The following NEDD8 variants were observed in gnomAD, a reference collection of about 807,000 sequenced individuals.
NEDD8 encodes the protein ubiquitin-like protein NEDD8.
NEDD8 carries 1 observed loss-of-function variant against 13.8 expected under a neutral mutation model. That is an observed-to-expected ratio of 0.07 (90% CI 0.03 to 0.34). NEDD8 has a LOEUF of 0.34. NEDD8 is among the 10% of genes least tolerant of loss of function. The probability of loss-of-function intolerance (pLI) is 0.99; values close to 1 mark genes in which losing one functional copy is unlikely to be tolerated. For missense variants in NEDD8, 10 were observed against 95.2 expected (o/e 0.10, Z 3.73); for synonymous variants, 31 against 33.2 (o/e 0.93, Z 0.23).
intron 1 of NEDD8, among the ~76,000 whole-genome samples, chr14:24,223,739 ATTT>A (rs558821572): frequency 7.2e-6 from 1 of 139,834 alleles, no homozygotes. Context: ...AAAAAAAAAA[ATTT>A]TTTTTTTTTT....
At chr14:24,221,252 T>C (rs2039803325) in intron 1 of NEDD8, among the ~76,000 whole-genome samples, 1 of 152,132 alleles carries the variant, frequency 6.6e-6, no homozygotes. Context: ...ATAAAAAGTT[T>C]GTAATTCTGT....
chr14:24,221,075 G>T (rs2039800059), intron 1 of NEDD8, among the ~76,000 whole-genome samples: 1 of 152,188 alleles, frequency 6.6e-6, no homozygotes, highest in Non-Finnish European at 1.5e-5. Context: ...TGATTCTCAA[G>T]CTTCTACCCT....
chr14:24,229,089 A>C (rs1478052923), intron 1 of NEDD8, among the ~76,000 whole-genome samples: 2 of 152,258 alleles, frequency 1.3e-5, no homozygotes, highest in African/African-American at 4.8e-5. Flanking sequence ...GGAGTTTGTG[A>C]GAAATGCAGA....
chr14:24,222,086 T>C (rs757772179), intron 1 of NEDD8, among the ~76,000 whole-genome samples: 17 of 152,206 alleles, frequency 1.1e-4, no homozygotes, highest in Non-Finnish European at 2.1e-4. Context: ...AATTTGGCAA[T>C]ATGGTGTCCC....
In NEDD8 at chr14:24,231,842, G is replaced by A. The variant is rs78820233; in HGVS notation, c.18+408C>T. The A allele has an allele frequency of 5.5e-3, 1,062 of 192,994 alleles. 6 individuals carry two copies. The highest frequency in any genetic ancestry group is 8.0e-3 in the Non-Finnish European group (745 of 93,590). 12.0% of individuals were successfully genotyped at this position (192,994 alleles called of 1,614,324 possible). On this transcript the variant is annotated intron_variant, in intron 1 of 3. Transcript: ENST00000250495. ...AGGGCTGTGCTCGGAGGCGACCTAC[G>A]TTAGGGACTGGGAGAAGCAGGTACC...
intron 1 of NEDD8, chr14:24,218,831 C>T (rs1487332878): frequency 2.5e-5 from 6 of 237,792 alleles, no homozygotes; most frequent in Non-Finnish European, 5.0e-5. Context: ...ACTGCAACTT[C>T]TGCCTCCCAG....
intron 1 of NEDD8, among the ~76,000 whole-genome samples, chr14:24,220,203 T>C (rs1014759999): frequency 4.4e-4 from 67 of 152,346 alleles, no homozygotes; most frequent in African/African-American, 1.6e-3. Context: ...CAGCTAGTTG[T>C]TTAAGTGTTA....
intron 3 of NEDD8, 90 bp downstream of exon 3, chr14:24,218,043 G>A: frequency 1.9e-6 from 3 of 1,546,846 alleles, no homozygotes; most frequent in Non-Finnish European, 2.6e-6. Flanking sequence ...AAAAACAAGA[G>A]GCACCCCTGA....
intron 3 of NEDD8, 29 bp from the exon 4 acceptor site, chr14:24,217,252 G>A (rs1555356413): frequency 1.3e-6 from 2 of 1,557,660 alleles, no homozygotes; most frequent in Non-Finnish European, 1.7e-6. Context: ...AGAAAAAAAA[G>A]AAAAAGAAGA....
At chr14:24,219,527 A>G (rs924966641) in intron 1 of NEDD8, among the ~76,000 whole-genome samples, 2 of 151,686 alleles carry the variant, frequency 1.3e-5, no homozygotes, top group African/African-American at 4.8e-5. Context: ...AAGAGAAAAG[A>G]AGACAAGAAG....
At chr14:24,222,104 A>C (rs999487427) in intron 1 of NEDD8, among the ~76,000 whole-genome samples, 25 of 152,242 alleles carry the variant, frequency 1.6e-4, no homozygotes, top group African/African-American at 6.0e-4. Context: ...CCCAGCAACA[A>C]TACTTCCAGG....
intron 1 of NEDD8, among the ~76,000 whole-genome samples, chr14:24,228,997 C>T (rs2039945834): frequency 6.6e-6 from 1 of 152,000 alleles, no homozygotes; most frequent in African/African-American, 2.4e-5. Context: ...AGAAGTACCA[C>T]ATAAATATGG....
intron 1 of NEDD8, among the ~76,000 whole-genome samples, chr14:24,223,775 ACCCAGACTGGAGTGCTGTGGCAT>A (rs2039845636): frequency 6.7e-6 from 1 of 150,038 alleles, no homozygotes; most frequent in Admixed American, 6.7e-5. Flanking sequence ...TCAGTCTGTC[ACCCAGACTGGAGTGCTGTGGCAT>A]CATCTGGCTC....
chr14:24,218,724 T>G (rs1481333055), intron 1 of NEDD8: 10 of 494,830 alleles, frequency 2.0e-5, no homozygotes, highest in Non-Finnish European at 3.2e-5. Flanking sequence ...GGCATTATTT[T>G]AGATGATACG....
In NEDD8 at chr14:24,218,788, C is replaced by T. The variant is rs531900154; in HGVS notation, c.19-357G>A. 1.9e-5 allele frequency: 6 copies of T among 310,836 alleles called. No homozygotes were observed. The East Asian group carries it at 5.0e-4, about 26-fold the overall frequency. The allele number at this position is 310,836 out of a possible 1,614,324, so 19.3% of individuals were successfully genotyped here. A position where few individuals can be genotyped will look rare whatever the true frequency, so the allele number is the denominator to read the frequency against. ...TGAGATGGAGTTTCGCTCTTGTTGA[C>T]CAGGCTGGAGTGCAATGGCACAATC... On this transcript the variant is annotated intron_variant, in intron 1 of 3. Coordinates refer to ENST00000250495, the MANE Select transcript of NEDD8 (RefSeq NM_006156.3).
At chr14:24,222,583 C>T (rs2039824754) in intron 1 of NEDD8, among the ~76,000 whole-genome samples, 3 of 152,150 alleles carry the variant, frequency 2.0e-5, no homozygotes. Context: ...TGTAAAGCAG[C>T]ACTGCCTTGT....
At position 24,232,353 on chromosome 14, in the gene NEDD8, G is replaced by C; in HGVS notation, c.-86C>G. 1 of 1,424,174 alleles carries C rather than the reference G, an allele frequency of 7.0e-7. No homozygotes were observed. The highest frequency in any genetic ancestry group is 1.2e-5 in the South Asian group (1 of 86,142). The allele number at this position is 1,424,174 out of a possible 1,614,324, so 88.2% of individuals were successfully genotyped here. A position where few individuals can be genotyped will look rare whatever the true frequency, so the allele number is the denominator to read the frequency against. ...CTGCCGCCCTCCAGCACTCTTGCCT[G>C]CAAGGGCCACTTCTACTTCCGGGTC... On this transcript the variant is annotated 5_prime_UTR_variant, in exon 1 of 4. Coordinates refer to ENST00000250495, the MANE Select transcript of NEDD8 (RefSeq NM_006156.3).
chr14:24,226,324 T>C (rs2039889986), intron 1 of NEDD8, among the ~76,000 whole-genome samples: 1 of 151,500 alleles, frequency 6.6e-6, no homozygotes, highest in Non-Finnish European at 1.5e-5. Flanking sequence ...AAACCCTGTC[T>C]CTACCAAAAA....
intron 1 of NEDD8, among the ~76,000 whole-genome samples, chr14:24,221,525 C>T (rs939540064): frequency 6.6e-6 from 1 of 152,102 alleles, no homozygotes; most frequent in Non-Finnish European, 1.5e-5. Flanking sequence ...AGTGATCCAC[C>T]TGCCTCAGCC....
Sources: allele counts gnomAD v4.1 joint callset (sites outside exome capture counted in the v4.1 genomes callset), GRCh38; gene constraint gnomAD v4.1.1; transcripts MANE v1.5; gene names NCBI Gene and HGNC (gene_info 2026-07-23, HGNC 2026-07-21).